The following TTC13 variants were observed in gnomAD, a reference collection of about 807,000 sequenced individuals.
TTC13 encodes the protein tetratricopeptide repeat protein 13.
A neutral mutation model predicts 120.0 loss-of-function variants in TTC13; 62 were observed. The observed-to-expected ratio is 0.52, with a 90% confidence interval of 0.42 to 0.64. The LOEUF is 0.64. Ranked by LOEUF, TTC13 falls within the 30% of genes least tolerant of loss-of-function variation. The pLI is 0.00. For synonymous variants in TTC13, 384 were observed against 393.5 expected (o/e 0.98, Z 0.28); for missense variants, 824 against 1,050.2 (o/e 0.78, Z 2.98).
chr1:230,941,673 C>T (rs1276218627), intron 6 of TTC13, among the ~76,000 whole-genome samples: 1 of 152,084 alleles, frequency 6.6e-6, no homozygotes, highest in African/African-American at 2.4e-5. Flanking sequence ...AGTTTAAAAC[C>T]AGCAAGAAAG....
At chr1:230,951,152 G>A (rs940148190) in intron 4 of TTC13, among the ~76,000 whole-genome samples, 3 of 152,136 alleles carry the variant, frequency 2.0e-5, no homozygotes, top group African/African-American at 7.2e-5. Flanking sequence ...TAACCTGATG[G>A]TGAAACCAAG....
chr1:230,926,238 G>C (rs1673039256), intron 12 of TTC13, among the ~76,000 whole-genome samples: 1 of 151,874 alleles, frequency 6.6e-6, no homozygotes, highest in Non-Finnish European at 1.5e-5. Context: ...TTTTTATTTT[G>C]TGTCCTTTAC....
intron 12 of TTC13, among the ~76,000 whole-genome samples, chr1:230,927,982 A>G (rs1199679971): frequency 6.6e-6 from 1 of 152,146 alleles, no homozygotes; most frequent in African/African-American, 2.4e-5. Flanking sequence ...TAAGTTATCT[A>G]TTCTCTTCCT....
At chr1:230,966,170 AC>A (rs1215736985) in intron 1 of TTC13, among the ~76,000 whole-genome samples, 3 of 152,214 alleles carry the variant, frequency 2.0e-5, no homozygotes, top group Non-Finnish European at 4.4e-5. Context: ...TTAAATTGAT[AC>A]AGAATAATTG....
intron 18 of TTC13, among the ~76,000 whole-genome samples, chr1:230,914,929 T>G (rs191059177): frequency 6.6e-6 from 1 of 152,120 alleles, no homozygotes; most frequent in Non-Finnish European, 1.5e-5. Flanking sequence ...CAACTGTACT[T>G]ATATAGTAAT....
intron 4 of TTC13, among the ~76,000 whole-genome samples, chr1:230,954,095 T>G (rs1355657062): frequency 6.6e-6 from 1 of 152,206 alleles, no homozygotes; most frequent in Non-Finnish European, 1.5e-5. Flanking sequence ...TTGCTTGACC[T>G]GATTAGATTC....
At chr1:230,923,398 G>A (rs1672766595) in intron 15 of TTC13, among the ~76,000 whole-genome samples, 1 of 152,094 alleles carries the variant, frequency 6.6e-6, no homozygotes, top group South Asian at 2.1e-4. Flanking sequence ...ATTTATCTAA[G>A]CCCTTTGTGT....
chr1:230,955,435 A>G (rs1336457281), intron 3 of TTC13, among the ~76,000 whole-genome samples: 6 of 147,674 alleles, frequency 4.1e-5, no homozygotes, highest in African/African-American at 1.2e-4. Context: ...AGGCTGAGGC[A>G]GGCAGATCAC....
At position 230,977,667 on chromosome 1, in the gene TTC13, T is replaced by C. The variant is rs116458186; in HGVS notation, c.271+893A>G. 2.8e-3 allele frequency among the ~76,000 whole-genome samples: 420 copies of C among 152,220 alleles called. 2 individuals carry two copies. The highest frequency in any genetic ancestry group is 9.8e-3 in the African/African-American group (408 of 41,530). ...AGTCTTAAAAGCAACCATCTCCCAGTGGGTTCGGTAGACCCCGGTCCTTCC... is the reference window on the plus strand; with the variant it reads ...AGTCTTAAAAGCAACCATCTCCCAGCGGGTTCGGTAGACCCCGGTCCTTCC... On this transcript the variant is annotated intron_variant, in intron 1 of 22. Transcript: ENST00000366661.
intron 22 of TTC13, among the ~76,000 whole-genome samples, chr1:230,907,819 A>G (rs1338138926): frequency 6.6e-6 from 1 of 152,228 alleles, no homozygotes; most frequent in Non-Finnish European, 1.5e-5. Context: ...AGAAGGGGCA[A>G]AAATAACTAA....
At chr1:230,915,957 T>C (rs1021608174) in intron 18 of TTC13, among the ~76,000 whole-genome samples, 11 of 152,116 alleles carry the variant, frequency 7.2e-5, no homozygotes, top group African/African-American at 1.7e-4. Flanking sequence ...AACTACATCA[T>C]ACATAGTATC....
intron 12 of TTC13, among the ~76,000 whole-genome samples, chr1:230,926,126 T>C (rs1174354426): frequency 2.0e-5 from 3 of 152,128 alleles, no homozygotes; most frequent in African/African-American, 7.2e-5. Context: ...AATTACAGGT[T>C]GTTCTGGGGA....
chr1:230,974,986 G>A (rs1305608696), intron 1 of TTC13, among the ~76,000 whole-genome samples: 3 of 152,158 alleles, frequency 2.0e-5, no homozygotes, highest in Non-Finnish European at 4.4e-5. Flanking sequence ...AATTACTGAA[G>A]ATAACACACA....
chr1:230,964,627 G>C (rs1338653570), intron 1 of TTC13, among the ~76,000 whole-genome samples: 4 of 152,126 alleles, frequency 2.6e-5, no homozygotes, highest in African/African-American at 4.8e-5. Flanking sequence ...AGTTGTCCCA[G>C]CACCACTTGT....
At chr1:230,977,683 C>T (rs763151586) in intron 1 of TTC13, among the ~76,000 whole-genome samples, 1 of 152,152 alleles carries the variant, frequency 6.6e-6, no homozygotes, top group African/African-American at 2.4e-5. Context: ...CGGTAGACCC[C>T]GGTCCTTCCC....
intron 4 of TTC13, 142 bp downstream of exon 4, chr1:230,954,191 A>T (rs1453699941): frequency 2.0e-6 from 1 of 504,684 alleles, no homozygotes; most frequent in African/African-American, 2.0e-5. Flanking sequence ...TGGCAGCAAG[A>T]AAGTGCTCAG....
chr1:230,920,483 G>A, intron 17 of TTC13, 27 bp downstream of exon 17: 1 of 1,520,224 alleles, frequency 6.6e-7, no homozygotes, highest in Admixed American at 1.7e-5. Flanking sequence ...CTAAAAACAT[G>A]GACTGCCATT....
intron 22 of TTC13, among the ~76,000 whole-genome samples, chr1:230,908,110 C>G (rs1433407556): frequency 2.0e-5 from 3 of 152,194 alleles, no homozygotes; most frequent in Non-Finnish European, 4.4e-5. Context: ...TAAGAGTAAA[C>G]AGGCCAAGAG....
rs1674592502 is a variant in TTC13 at position 230,942,253 on chromosome 1, C to T, written c.672+1553G>A. On this transcript the variant is annotated intron_variant, in intron 6 of 22. Coordinates refer to ENST00000366661, the MANE Select transcript of TTC13 (RefSeq NM_024525.5). The surrounding 1 kb of genome is among the most constrained non-coding windows in gnomAD (Gnocchi z 4.0). ...TAATATAGGGGAAAAAACATCAGTC[C>T]CCCCTACCAGAAGCAGATGATTACC... is the stretch of plus-strand genomic sequence containing the variant. Among the ~76,000 whole-genome samples the T allele has an allele frequency of 1.3e-5, 2 of 151,950 alleles. No homozygotes were observed. Among genetic ancestry groups the T allele is most frequent in the Admixed American group, 1.3e-4 (2 of 15,264 alleles).
Sources: allele counts gnomAD v4.1 joint callset (sites outside exome capture counted in the v4.1 genomes callset), GRCh38; gene constraint gnomAD v4.1.1; non-coding constraint Gnocchi (gnomAD v3.1); transcripts MANE v1.5; gene names NCBI Gene and HGNC (gene_info 2026-07-23, HGNC 2026-07-21).